LEO1: variants seen among roughly 807,000 people sequenced by gnomAD.
The protein encoded by LEO1 is LEO1 component of Paf1/RNA polymerase II complex.
LEO1 carries 34 observed loss-of-function variants against 80.4 expected under a neutral mutation model. That is an observed-to-expected ratio of 0.42 (90% CI 0.32 to 0.56). The LOEUF (loss-of-function observed/expected upper bound fraction) is 0.56, where lower values mean the gene tolerates loss of function less well. LEO1 is among the 20% of genes least tolerant of loss of function. The pLI is 0.10. For missense variants in LEO1, 631 were observed against 814.2 expected (o/e 0.77, Z 2.74); for synonymous variants, 262 against 274.9 (o/e 0.95, Z 0.46).
At chr15:51,962,898 A>G (rs1298456523) in intron 2 of LEO1, among the ~76,000 whole-genome samples, 2 of 151,330 alleles carry the variant, frequency 1.3e-5, no homozygotes, top group Non-Finnish European at 2.9e-5. Context: ...ATATGTTAAC[A>G]TGAATAGAGC....
intron 3 of LEO1, 40 bp from the exon 4 acceptor site, chr15:51,960,773 G>A (rs375246008): frequency 2.3e-5 from 27 of 1,157,994 alleles, no homozygotes; most frequent in Non-Finnish European, 3.4e-5. Flanking sequence ...GTTACTATCT[G>A]TAACTAAGGT....
At chr15:51,941,457 G>A (rs2056851956) in intron 11 of LEO1, among the ~76,000 whole-genome samples, 1 of 152,144 alleles carries the variant, frequency 6.6e-6, no homozygotes, top group Non-Finnish European at 1.5e-5. Context: ...ACAGAGGGGA[G>A]GCTGCCTGAC....
At chr15:51,944,570 G>A (rs1044308308) in intron 11 of LEO1, among the ~76,000 whole-genome samples, 2 of 152,136 alleles carry the variant, frequency 1.3e-5, no homozygotes, top group East Asian at 1.9e-4. Context: ...TAATCATGCT[G>A]TCTGGTACAT....
chr15:51,953,445 AC>A (rs2056964469), intron 7 of LEO1, among the ~76,000 whole-genome samples, 182 bp from the exon 8 acceptor site: 2 of 152,126 alleles, frequency 1.3e-5, no homozygotes, highest in Admixed American at 6.5e-5. Flanking sequence ...ACATGGTGAA[AC>A]CCCATCTCTG....
At chr15:51,949,187 G>T (rs1380513122) in intron 10 of LEO1, among the ~76,000 whole-genome samples, 1 of 152,150 alleles carries the variant, frequency 6.6e-6, no homozygotes, top group African/African-American at 2.4e-5. Context: ...TGTAGAAGAA[G>T]AATGAAAGAA....
At chr15:51,952,615 G>C (rs968875153) in intron 8 of LEO1, among the ~76,000 whole-genome samples, 4 of 152,108 alleles carry the variant, frequency 2.6e-5, no homozygotes, top group Admixed American at 2.0e-4. Flanking sequence ...ACTCAGTCTA[G>C]AGAAGGAAAG....
At chr15:51,943,986 A>T (rs1201599355) in intron 11 of LEO1, among the ~76,000 whole-genome samples, 1 of 152,202 alleles carries the variant, frequency 6.6e-6, no homozygotes, top group African/African-American at 2.4e-5. Flanking sequence ...CACTAAACAC[A>T]CCAACATACA....
At position 51,953,216 on chromosome 15, in the gene LEO1, G is replaced by A; in HGVS notation, c.1388C>T (p.Pro463Leu). ...GNEVFDVYKA[P>L]LQGDHNHLFI... ...AAGATGATTGTGGTCGCCCTGCAGT[G>A]GGGCTTTGTACACATCAAACACTTC... The change falls in exon 8 of 12, where the codon CCA (proline) becomes CTA (leucine). Residue 463 changes from proline (P) to leucine (L), a missense_variant. Pro to Leu is a moderately conservative substitution (Grantham distance 98). This residue lies in a region of LEO1 where 95 missense variants were observed against 171.7 expected (regional missense o/e 0.55). Transcript: ENST00000299601. The A allele has an allele frequency of 6.2e-7, 1 of 1,613,980 alleles. No homozygotes were observed. Among genetic ancestry groups the A allele is most frequent in the African/African-American group, 1.3e-5 (1 of 75,060 alleles).
rs1383940746 is a variant in LEO1, at chr15:51,960,742, CAG to C, written c.920-11_920-10del. 1 of 1,537,574 alleles carries C rather than the reference CAG, an allele frequency of 6.5e-7. No homozygotes were observed. Among genetic ancestry groups the C allele is most frequent in the Non-Finnish European group, 9.0e-7 (1 of 1,111,058 alleles). The stretch of plus-strand genomic sequence containing the variant: ...CATGGTTCCACTATTATCTTCAATG[CAG>C]AAGGAAAAAGGCATTAGTGTTACTA... On this transcript the variant is annotated splice_polypyrimidine_tract_variant and intron_variant, in intron 3 of 11. Transcript: ENST00000299601.
Position 51,962,373 on chromosome 15 carries a change from A to G in LEO1, c.919+16T>C. On this transcript the variant is annotated intron_variant, in intron 3 of 11. Transcript: ENST00000299601. The stretch of plus-strand genomic sequence containing the variant: ...GAGGTATGGAAATATACATATATAT[A>G]TAATAATAGGGATACCTTTTGGCAC... 2.0e-6 allele frequency: 3 copies of G among 1,493,032 alleles called. No homozygotes were observed. Among genetic ancestry groups the G allele is most frequent in the Non-Finnish European group, 2.8e-6 (3 of 1,078,734 alleles). 92.5% of individuals were successfully genotyped at this position (1,493,032 alleles called of 1,614,324 possible). A position where few individuals can be genotyped will look rare whatever the true frequency, so the allele number is the denominator to read the frequency against.
chr15:51,949,969 G>A lies in LEO1; in HGVS notation c.1637C>T (p.Ser546Phe). The A allele has an allele frequency of 6.2e-7, 1 of 1,613,394 alleles. No homozygotes were observed. The highest frequency in any genetic ancestry group is 8.5e-7 in the Non-Finnish European group (1 of 1,179,880). Residue 546 changes from serine to phenylalanine, a missense_variant, in exon 10 of 12, where the codon TCC becomes TTC. Physicochemically the swap from Ser to Phe is radical, Grantham distance 155. Coordinates refer to ENST00000299601, the MANE Select transcript of LEO1 (RefSeq NM_138792.4). ...IKKEEERLRA[S>F]IRRESQQRRM... ...GCGCTGCTGAGATTCCCTACGTATGGAAGCCCTCAAACGTTCTTCTTCTTT... is the reference window on the plus strand; with the variant it reads ...GCGCTGCTGAGATTCCCTACGTATGAAAGCCCTCAAACGTTCTTCTTCTTT...
intron 11 of LEO1, chr15:51,946,966 A>G: frequency 3.6e-6 from 1 of 278,962 alleles, no homozygotes; most frequent in Non-Finnish European, 6.7e-6. Flanking sequence ...TTGGTATGTC[A>G]GGGACCTGCA....
intron 6 of LEO1, among the ~76,000 whole-genome samples, chr15:51,955,939 G>A (rs1459900910): frequency 6.6e-6 from 1 of 152,212 alleles, no homozygotes; most frequent in Admixed American, 6.5e-5. Context: ...GGAAGCTGGG[G>A]TGGGGAATAT....
chr15:51,944,831 G>T (rs919689515), intron 11 of LEO1, among the ~76,000 whole-genome samples: 1 of 152,088 alleles, frequency 6.6e-6, no homozygotes, highest in East Asian at 1.9e-4. Flanking sequence ...TAACTTTACA[G>T]CAACGCTGAG....
At position 51,966,195 on chromosome 15, in the gene LEO1, GAT is replaced by G; in HGVS notation, c.366_367del (p.Arg122SerfsTer14). On this transcript the variant is annotated frameshift_variant, in exon 2 of 12. Transcript: ENST00000299601. LOFTEE classifies it high-confidence loss of function. ...TTCTGAATGATGGCTCCCTCCATCC[GAT>G]CTATGACCTTCGTCTTCATCATCAT... The G allele has an allele frequency of 6.2e-7, 1 of 1,613,848 alleles. No homozygotes were observed. The highest frequency in any genetic ancestry group is 8.5e-7 in the Non-Finnish European group (1 of 1,180,030).
chr15:51,964,053 A>C (rs1162769203), intron 2 of LEO1, among the ~76,000 whole-genome samples: 1 of 151,972 alleles, frequency 6.6e-6, no homozygotes, highest in Non-Finnish European at 1.5e-5. Context: ...AAAAATACAA[A>C]AAATTAGCCG....
Position 51,958,761 on chromosome 15 carries a change from C to T in LEO1, c.1226G>A (p.Arg409Lys). 6.3e-7 allele frequency: 1 copy of T among 1,594,510 alleles called. No individual in the cohort carries two copies. Among genetic ancestry groups the T allele is most frequent in the Non-Finnish European group, 8.6e-7 (1 of 1,167,498 alleles). ...EDEEMLDEEG[R>K]TRLKLKVENT... ...TGGTACCTTTAATTTTAACCTGGTT[C>T]TACCTTCTTCATCCAGCATTTCTTC... Residue 409 changes from arginine (R) to lysine (K), a missense_variant, in exon 6 of 12, where the codon AGA (arginine) becomes AAA (lysine). Physicochemically the swap from Arg to Lys is conservative, Grantham distance 26. Coordinates refer to ENST00000299601, the MANE Select transcript of LEO1 (RefSeq NM_138792.4).
At chr15:51,962,309 C>A (rs1224637902) in intron 3 of LEO1, 80 bp downstream of exon 3, 2 of 904,912 alleles carry the variant, frequency 2.2e-6, no homozygotes, top group Non-Finnish European at 3.3e-6. Context: ...GGGGTAAACA[C>A]ACTCAGGGTT....
chr15:51,963,839 T>C (rs1218260820), intron 2 of LEO1, among the ~76,000 whole-genome samples: 12 of 144,398 alleles, frequency 8.3e-5, no homozygotes, highest in Non-Finnish European at 1.5e-4. Flanking sequence ...GAGGTGGAGA[T>C]TGCAGTGAGC....
Sources: gnomAD v4.1 joint callset for allele counts (sites outside exome capture counted in the v4.1 genomes callset) on GRCh38, gnomAD v4.1.1 for gene constraint, gnomAD v4.1.1 regional missense constraint, MANE v1.5 for transcripts, NCBI Gene and HGNC (gene_info 2026-07-23, HGNC 2026-07-21) for gene names.